The following SFMBT2 variants were observed in gnomAD, a reference collection of about 807,000 sequenced individuals.
SFMBT2 encodes the protein scm-like with four MBT domains protein 2.
Under a neutral mutation model 110.1 loss-of-function variants are expected in SFMBT2, and 38 were observed. The ratio of observed to expected loss-of-function variants is 0.35; its 90% CI spans 0.27 to 0.45. The LOEUF is 0.45. SFMBT2 is among the 20% of genes least tolerant of loss of function. The pLI is 1.00. For synonymous variants in SFMBT2, 425 were observed against 425.4 expected, an observed-to-expected ratio of 1.00 and a Z score of 0.01; for missense variants, 1,011 against 1,094.9, an observed-to-expected ratio of 0.92 and a Z score of 1.08.
intron 1 of SFMBT2, among the ~76,000 whole-genome samples, chr10:7,389,237 T>G (rs1384020926): frequency 2.0e-5 from 3 of 152,136 alleles, no homozygotes; most frequent in Non-Finnish European, 4.4e-5. Context: ...GGGATGTTTT[T>G]GGGGGGTTAG....
In SFMBT2 at chr10:7,367,142, G is replaced by T. The variant is rs1439571528; in HGVS notation, c.436+507C>A. On this transcript the variant is annotated intron_variant, in intron 4 of 20. Transcript: ENST00000397167. This position sits in a 1 kb window ranked among gnomAD's most constrained non-coding sequence, Gnocchi z 6.2. ...TGGTTTTCTAAAAGCTTGACACCCT[G>T]ACAGTCTCCCAACAAGACAGATGAA... Among the ~76,000 whole-genome samples the T allele has an allele frequency of 6.6e-6, 1 of 151,532 alleles. No homozygotes were observed. The highest frequency in any genetic ancestry group is 2.4e-5 in the African/African-American group (1 of 41,204).
chr10:7,199,776 AT>A (rs1564379249), intron 14 of SFMBT2, among the ~76,000 whole-genome samples: 1 of 152,186 alleles, frequency 6.6e-6, no homozygotes, highest in Non-Finnish European at 1.5e-5. Flanking sequence ...CTTCCATGAC[AT>A]GTTGGTTTTA....
intron 20 of SFMBT2, among the ~76,000 whole-genome samples, chr10:7,165,289 C>T (rs561302223): frequency 1.8e-3 from 281 of 152,328 alleles, no homozygotes; most frequent in Middle Eastern, 6.8e-3. Context: ...AGCACAAGAT[C>T]ATACGTCTCC....
At chr10:7,352,441 G>C (rs1844353276) in intron 4 of SFMBT2, among the ~76,000 whole-genome samples, 1 of 152,142 alleles carries the variant, frequency 6.6e-6, no homozygotes, top group African/African-American at 2.4e-5. Flanking sequence ...TCCTGCTTCA[G>C]CCTCCTGAGT....
chr10:7,354,469 T>C (rs1230293802), intron 4 of SFMBT2, among the ~76,000 whole-genome samples: 1 of 151,990 alleles, frequency 6.6e-6, no homozygotes, highest in Non-Finnish European at 1.5e-5. Flanking sequence ...TCAACCAACG[T>C]AGGAGAGGAA....
At chr10:7,369,243 G>A (rs1048747773) in intron 3 of SFMBT2, among the ~76,000 whole-genome samples, 1 of 152,226 alleles carries the variant, frequency 6.6e-6, no homozygotes, top group Non-Finnish European at 1.5e-5. Flanking sequence ...AACAGGTTAA[G>A]AAAGTGCCCC....
chr10:7,288,776 A>G (rs1842176569), intron 4 of SFMBT2, among the ~76,000 whole-genome samples: 1 of 152,080 alleles, frequency 6.6e-6, no homozygotes, highest in South Asian at 2.1e-4. Context: ...CACACCTGCA[A>G]TCCCAGCACT....
chr10:7,189,393 A>G (rs934484411), intron 15 of SFMBT2, among the ~76,000 whole-genome samples: 1 of 152,186 alleles, frequency 6.6e-6, no homozygotes, highest in Non-Finnish European at 1.5e-5. Flanking sequence ...GCTCAGAAAG[A>G]GCAGGCATTT....
At chr10:7,266,295 G>A (rs1018154306) in intron 7 of SFMBT2, among the ~76,000 whole-genome samples, 7 of 150,468 alleles carry the variant, frequency 4.7e-5, no homozygotes, top group Non-Finnish European at 7.4e-5. Context: ...TCACCATGTT[G>A]GCCAGGCTGG....
At chr10:7,260,132 G>C (rs1189841050) in intron 7 of SFMBT2, among the ~76,000 whole-genome samples, 1 of 152,118 alleles carries the variant, frequency 6.6e-6, no homozygotes, top group East Asian at 1.9e-4. Context: ...GGCAGCAATG[G>C]GTTCTCTGTT....
chr10:7,214,564 G>T, intron 11 of SFMBT2: 3 of 985,436 alleles, frequency 3.0e-6, no homozygotes, highest in Non-Finnish European at 3.6e-6. Flanking sequence ...AAATTCTACG[G>T]ACTTATGGGA....
intron 17 of SFMBT2, among the ~76,000 whole-genome samples, chr10:7,174,820 C>T (rs1392641197): frequency 6.6e-6 from 1 of 152,206 alleles, no homozygotes; most frequent in East Asian, 1.9e-4. Flanking sequence ...AACCAGGTGA[C>T]CTGCTGGGCC....
intron 7 of SFMBT2, among the ~76,000 whole-genome samples, chr10:7,258,132 C>G (rs1294443180): frequency 6.6e-6 from 1 of 152,038 alleles, no homozygotes; most frequent in Non-Finnish European, 1.5e-5. Flanking sequence ...GGGGTTTTGC[C>G]ATGTTGCTCA....
rs2762610 is a variant in SFMBT2 at position 7,184,470 on chromosome 10, T to C, written c.1808+4154A>G. Among the ~76,000 whole-genome samples the C allele has an allele frequency of 1.2e-3, 180 of 152,250 alleles. 1 individual carries two copies. The highest frequency in any genetic ancestry group is 4.2e-3 in the African/African-American group (176 of 41,540). ...AGGCCTCCCCAGCCACGTGGAACTG[T>C]GAGTCCATTTAACCTTTTTTTCCTT... is the stretch of plus-strand genomic sequence containing the variant. On this transcript the variant is annotated intron_variant, in intron 16 of 20. Coordinates refer to ENST00000397167, the MANE Select transcript of SFMBT2 (RefSeq NM_001387889.1).
At chr10:7,188,479 A>G (rs902975096) in intron 16 of SFMBT2, 145 bp downstream of exon 16, 12 of 587,416 alleles carry the variant, frequency 2.0e-5, no homozygotes, top group African/African-American at 5.6e-5. Context: ...CAAGAAATTT[A>G]CGTGTCGCCC....
chr10:7,252,410 C>T (rs1396933449), intron 7 of SFMBT2, among the ~76,000 whole-genome samples: 4 of 152,178 alleles, frequency 2.6e-5, no homozygotes, highest in South Asian at 2.1e-4. Context: ...ATGACTTCAG[C>T]GTCCTCTGCA....
intron 17 of SFMBT2, among the ~76,000 whole-genome samples, chr10:7,173,366 G>A (rs573440696): frequency 2.0e-4 from 30 of 152,298 alleles, no homozygotes; most frequent in Admixed American, 1.4e-3. Context: ...AGCACTGGGT[G>A]AACATCTGCT....
At chr10:7,229,318 C>A (rs1400921612) in intron 9 of SFMBT2, among the ~76,000 whole-genome samples, 1 of 152,064 alleles carries the variant, frequency 6.6e-6, no homozygotes, top group Admixed American at 6.6e-5. Flanking sequence ...CGGTGGCTCA[C>A]GCCTGTAATC....
In SFMBT2 at chr10:7,171,018, C is replaced by T. The variant is rs1418938287; in HGVS notation, c.2454G>A (p.Glu818=). 1 of 1,614,218 alleles carries T rather than the reference C, an allele frequency of 6.2e-7. No individual in the cohort carries two copies. The highest frequency in any genetic ancestry group is 2.2e-5 in the East Asian group (1 of 44,888). Residue 818 remains glutamate, a synonymous_variant, in exon 20 of 21, where the codon GAG becomes GAA. Transcript: ENST00000397167. This position sits in a 1 kb window ranked among gnomAD's most constrained non-coding sequence, Gnocchi z 4.9. ...KQEEEERLVL[E]SNPLEWTVTD... ...TGACCGTCCACTCCAACGGGTTGCTCTCCAGAACCAGTCTCTCCTCCTCCT... is the reference window on the plus strand; with the variant it reads ...TGACCGTCCACTCCAACGGGTTGCTTTCCAGAACCAGTCTCTCCTCCTCCT...
Sources: allele counts gnomAD v4.1 joint callset (sites outside exome capture counted in the v4.1 genomes callset), GRCh38; gene constraint gnomAD v4.1.1; non-coding constraint Gnocchi (gnomAD v3.1); transcripts MANE v1.5; gene names NCBI Gene and HGNC (gene_info 2026-07-23, HGNC 2026-07-21).